Variants in MBD5 observed in about 807,000 individuals in gnomAD.
The protein encoded by MBD5 is methyl-CpG binding domain protein 5, also known as methyl-CpG-binding domain protein 5.
MBD5 carries 13 observed loss-of-function variants against 117.3 expected under a neutral mutation model. The ratio of observed to expected loss-of-function variants is 0.11; its 90% CI spans 0.07 to 0.18. MBD5 has a LOEUF of 0.18. Among genes scored for constraint, MBD5 ranks in the 10% least tolerant of loss-of-function variants. The pLI, the probability that MBD5 is intolerant of heterozygous loss-of-function variation, is 1.00. For synonymous variants in MBD5, 727 were observed against 766.4 expected (o/e 0.95, Z 0.85); for missense variants, 1,879 against 2,093.8 (o/e 0.90, Z 2.00).
rs567661647 is a variant in MBD5, at chr2:148,489,113, CAAGTTT to C, written c.3754-270_3754-265del. 1.6e-4 allele frequency among the ~76,000 whole-genome samples: 25 copies of C among 152,180 alleles called. No individual in the cohort carries two copies. The East Asian group carries it at 4.6e-3, about 28-fold the overall frequency. On this transcript the variant is annotated intron_variant, in intron 10 of 13. Transcript: ENST00000642680. ...GAGTACGTTTTCTGTCCAGCCACTT[CAAGTTT>C]AATTTTTCTAGAGAATGTTTCGCAG...
In MBD5 at chr2:148,342,257, C is replaced by T. The variant is rs1702965661; in HGVS notation, c.-636C>T. Reference sequence around the variant, plus strand: ...TATAGGGACTCGTAAAGACATAGAGCATCTGGAAATTAACTGCCTCCATTA... The same window carrying T: ...TATAGGGACTCGTAAAGACATAGAGTATCTGGAAATTAACTGCCTCCATTA... On this transcript the variant is annotated 5_prime_UTR_variant, in exon 4 of 14. Coordinates refer to ENST00000642680, the MANE Select transcript of MBD5 (RefSeq NM_001378120.1). The T allele has an allele frequency of 6.6e-6, 1 of 152,084 alleles. No homozygotes were observed. Among genetic ancestry groups the T allele is most frequent in the African/African-American group, 2.4e-5 (1 of 41,554 alleles). The allele number at this position is 152,084 out of a possible 1,614,324, so 9.4% of individuals were successfully genotyped here. A position where few individuals can be genotyped will look rare whatever the true frequency, so the allele number is the denominator to read the frequency against.
At chr2:148,510,789 G>A (rs1038238933) in intron 13 of MBD5, among the ~76,000 whole-genome samples, 11 of 152,190 alleles carry the variant, frequency 7.2e-5, no homozygotes, top group African/African-American at 2.4e-4. Flanking sequence ...ATTAGTATAG[G>A]TTTTAGAGAT....
intron 3 of MBD5, among the ~76,000 whole-genome samples, chr2:148,328,271 G>A (rs1433404861): frequency 2.6e-5 from 4 of 152,146 alleles, no homozygotes; most frequent in African/African-American, 9.7e-5. Context: ...ATTTAAGTCT[G>A]CAGAGGTTAC....
At chr2:148,041,100 C>T (rs1234420) in intron 1 of MBD5, 1 of 152,270 alleles carries the variant, frequency 6.6e-6, no homozygotes, top group South Asian at 2.1e-4. Context: ...ACTAAAGGCT[C>T]ATGCCACCAT....
At chr2:148,320,949 C>A (rs1313846232) in intron 3 of MBD5, among the ~76,000 whole-genome samples, 1 of 152,070 alleles carries the variant, frequency 6.6e-6, no homozygotes, top group Non-Finnish European at 1.5e-5. Context: ...AGAGGAGCAA[C>A]TTTTCATTTC....
intron 4 of MBD5, among the ~76,000 whole-genome samples, chr2:148,431,781 C>A (rs1276461718): frequency 6.6e-6 from 1 of 151,998 alleles, no homozygotes; most frequent in Non-Finnish European, 1.5e-5. Flanking sequence ...ATCCAGTGCA[C>A]CATTGATGGA....
chr2:148,261,145 A>G (rs1700721684), intron 3 of MBD5, among the ~76,000 whole-genome samples: 1 of 152,192 alleles, frequency 6.6e-6, no homozygotes. Flanking sequence ...ATAATTCTTA[A>G]GGGCCCTAGG....
intron 3 of MBD5, among the ~76,000 whole-genome samples, chr2:148,267,146 G>T (rs536536077): frequency 1.4e-4 from 22 of 152,244 alleles, no homozygotes; most frequent in African/African-American, 5.1e-4. Flanking sequence ...GAGGAGATAT[G>T]CAGGCTTTGA....
At chr2:148,327,579 C>T (rs1441145248) in intron 3 of MBD5, among the ~76,000 whole-genome samples, 2 of 151,818 alleles carry the variant, frequency 1.3e-5, no homozygotes, top group African/African-American at 2.4e-5. Flanking sequence ...CTTCTCGCTT[C>T]ATTTCATTCA....
At chr2:148,460,924 A>G (rs1707051485) in intron 5 of MBD5, among the ~76,000 whole-genome samples, 1 of 151,998 alleles carries the variant, frequency 6.6e-6, no homozygotes, top group African/African-American at 2.4e-5. Context: ...AATCAACAAG[A>G]CATTATACTT....
chr2:148,509,385 T>G (rs16828700), intron 12 of MBD5, among the ~76,000 whole-genome samples: 6,757 of 152,146 alleles, frequency 0.044, 184 homozygotes, highest in African/African-American at 0.072. Flanking sequence ...GGGCCAAACA[T>G]GTGTAATGGA....
intron 1 of MBD5, chr2:148,053,916 T>C (rs1457128614): frequency 6.6e-6 from 1 of 151,534 alleles, no homozygotes; most frequent in East Asian, 1.9e-4. Context: ...TTTTCTTTTT[T>C]TTTTTTTCTA....
At position 148,479,817 on chromosome 2, in the gene MBD5, G is replaced by C. The variant is rs114059421; in HGVS notation, c.2519-3293G>C. Reference sequence around the variant, plus strand: ...GACCAAATATTATACCACTTGACTAGTTTTCCCTGACATGTTCAGTTTTAT... The same window carrying C: ...GACCAAATATTATACCACTTGACTACTTTTCCCTGACATGTTCAGTTTTAT... On this transcript the variant is annotated intron_variant, in intron 8 of 13. Transcript: ENST00000642680. Among the ~76,000 whole-genome samples, 762 of 150,080 alleles carry C rather than the reference G, an allele frequency of 5.1e-3. 11 individuals are homozygous for C. The highest frequency in any genetic ancestry group is 0.018 in the African/African-American group (733 of 40,972).
intron 4 of MBD5, among the ~76,000 whole-genome samples, chr2:148,342,780 C>G (rs1407433936): frequency 6.6e-6 from 1 of 151,848 alleles, no homozygotes; most frequent in Non-Finnish European, 1.5e-5. Context: ...TTCTCCTCAA[C>G]TTTTATTTTA....
intron 4 of MBD5, among the ~76,000 whole-genome samples, chr2:148,386,712 C>G (rs1704378952): frequency 1.0e-5 from 1 of 96,826 alleles, no homozygotes; most frequent in Non-Finnish European, 2.0e-5. Context: ...GAGCGAGACT[C>G]CGTCTCAAAA....
At chr2:148,028,183 G>T (rs1693950246) in intron 1 of MBD5, 1 of 151,980 alleles carries the variant, frequency 6.6e-6, no homozygotes, top group African/African-American at 2.4e-5. Flanking sequence ...CTGTAATTAA[G>T]TTCAGTGTCA....
At chr2:148,450,008 G>A (rs1031627184) in intron 4 of MBD5, among the ~76,000 whole-genome samples, 1 of 151,902 alleles carries the variant, frequency 6.6e-6, no homozygotes, top group Non-Finnish European at 1.5e-5. Flanking sequence ...ATAAATAGTA[G>A]CATTTTTGTA....
At chr2:148,153,084 T>C (rs1697737173) in intron 1 of MBD5, among the ~76,000 whole-genome samples, 1 of 152,050 alleles carries the variant, frequency 6.6e-6, no homozygotes, top group South Asian at 2.1e-4. Flanking sequence ...GTACCGATTA[T>C]TCCTTTCCAT....
At chr2:148,305,956 T>A (rs1441247988) in intron 3 of MBD5, among the ~76,000 whole-genome samples, 1 of 152,236 alleles carries the variant, frequency 6.6e-6, no homozygotes, top group East Asian at 1.9e-4. Context: ...TTTTAATTTT[T>A]TATTACAAAA....
Sources: allele counts gnomAD v4.1 joint callset (sites outside exome capture counted in the v4.1 genomes callset), GRCh38; gene constraint gnomAD v4.1.1; transcripts MANE v1.5; gene names NCBI Gene and HGNC (gene_info 2026-07-23, HGNC 2026-07-21).